Variants in BAZ2B observed in about 807,000 individuals in gnomAD.
BAZ2B encodes the protein bromodomain adjacent to zinc finger domain 2B, also known as bromodomain adjacent to zinc finger domain protein 2B.
BAZ2B carries 91 observed loss-of-function variants against 246.0 expected under a neutral mutation model. That is an observed-to-expected ratio of 0.37 (90% CI 0.31 to 0.44). The LOEUF is 0.44. BAZ2B is among the 20% of genes least tolerant of loss of function. The pLI is 1.00. For missense variants in BAZ2B, 2,332 were observed against 2,533.7 expected, an observed-to-expected ratio of 0.92 and a Z score of 1.71; for synonymous variants, 855 against 860.0, an observed-to-expected ratio of 0.99 and a Z score of 0.10.
chr2:159,602,196 T>C (rs1439199748), intron 1 of BAZ2B, among the ~76,000 whole-genome samples: 1 of 152,168 alleles, frequency 6.6e-6, no homozygotes, highest in African/African-American at 2.4e-5. Context: ...ACTGGTCTTC[T>C]ATACCCATAT....
intron 1 of BAZ2B, among the ~76,000 whole-genome samples, chr2:159,565,078 C>T (rs532814197): frequency 2.9e-4 from 44 of 152,196 alleles, no homozygotes; most frequent in African/African-American, 1.0e-3. Flanking sequence ...ACCATGTTGG[C>T]CAGGCTGGTC....
intron 1 of BAZ2B, among the ~76,000 whole-genome samples, chr2:159,556,816 T>C (rs1468328583): frequency 6.6e-6 from 1 of 152,180 alleles, no homozygotes; most frequent in Non-Finnish European, 1.5e-5. Flanking sequence ...AAATGTTTAG[T>C]ATCAAAAAGT....
intron 1 of BAZ2B, among the ~76,000 whole-genome samples, chr2:159,609,098 C>T (rs926717307): frequency 6.6e-6 from 1 of 152,178 alleles, no homozygotes; most frequent in Non-Finnish European, 1.5e-5. Context: ...ACATTTTCTC[C>T]TCCCACCCTT....
chr2:159,539,935 T>C (rs2086461040), intron 2 of BAZ2B, among the ~76,000 whole-genome samples: 1 of 152,188 alleles, frequency 6.6e-6, no homozygotes, highest in South Asian at 2.1e-4. Flanking sequence ...TGTTACCTCA[T>C]CAGGGAGACC....
chr2:159,401,969 T>C (rs577040598), intron 16 of BAZ2B, among the ~76,000 whole-genome samples: 1 of 152,334 alleles, frequency 6.6e-6, no homozygotes, highest in Admixed American at 6.5e-5. Flanking sequence ...CTATTGAAGC[T>C]ATACATTAAT....
intron 2 of BAZ2B, among the ~76,000 whole-genome samples, chr2:159,547,208 T>C (rs2087482778): frequency 6.6e-6 from 1 of 152,176 alleles, no homozygotes; most frequent in Admixed American, 6.5e-5. Context: ...GTTGTAAAGT[T>C]TACACATACT....
At chr2:159,502,504 C>T (rs2081952103) in intron 2 of BAZ2B, among the ~76,000 whole-genome samples, 1 of 151,468 alleles carries the variant, frequency 6.6e-6, no homozygotes, top group East Asian at 1.9e-4. Flanking sequence ...CATGGTGGCA[C>T]GTGCTTGTGG....
intron 36 of BAZ2B, 63 bp from the exon 37 acceptor site, chr2:159,320,481 A>G: frequency 7.3e-7 from 1 of 1,378,110 alleles, no homozygotes; most frequent in Non-Finnish European, 9.8e-7. Context: ...TAAACAAATG[A>G]AGAGTTAATA....
chr2:159,440,339 G>A (rs10200362), intron 6 of BAZ2B, among the ~76,000 whole-genome samples: 17,286 of 151,918 alleles, frequency 0.11, 1,110 homozygotes, highest in Middle Eastern at 0.19. Context: ...ATGACTACTC[G>A]GGATTGGGGA....
the BAZ2B span, among the ~76,000 whole-genome samples, chr2:159,626,658 AT>A: frequency 6.6e-6 from 1 of 152,228 alleles, no homozygotes; most frequent in East Asian, 1.9e-4. Flanking sequence ...TCTGGGACAC[AT>A]TTAAAGCAGT....
chr2:159,547,704 T>G (rs1421856814), intron 2 of BAZ2B, among the ~76,000 whole-genome samples: 2 of 152,168 alleles, frequency 1.3e-5, no homozygotes, highest in Non-Finnish European at 2.9e-5. Flanking sequence ...TAAGAAAACA[T>G]CAAACCACAG....
the BAZ2B span, among the ~76,000 whole-genome samples, chr2:159,649,731 T>C: frequency 1.3e-5 from 2 of 152,358 alleles, no homozygotes; most frequent in African/African-American, 4.8e-5. Context: ...TTCTTCAGTT[T>C]CTGGGTTTAA....
chr2:159,464,781 G>T (rs932558374), intron 3 of BAZ2B: 1 of 152,064 alleles, frequency 6.6e-6, no homozygotes, highest in Non-Finnish European at 1.5e-5. Context: ...AATAATTAGA[G>T]TTCATAGATT....
chr2:159,467,816 T>C (rs1170847268), intron 3 of BAZ2B, among the ~76,000 whole-genome samples: 3 of 152,132 alleles, frequency 2.0e-5, no homozygotes, highest in Non-Finnish European at 4.4e-5. Flanking sequence ...GAGAGTTTAG[T>C]CTGGACCAAT....
chr2:159,643,641 G>C, the BAZ2B span, among the ~76,000 whole-genome samples: 1 of 152,082 alleles, frequency 6.6e-6, no homozygotes, highest in East Asian at 1.9e-4. Flanking sequence ...TTGGGAGTCC[G>C]AGGTAGGTGA....
chr2:159,503,733 C>A (rs1352051829), intron 2 of BAZ2B, among the ~76,000 whole-genome samples: 3 of 152,092 alleles, frequency 2.0e-5, no homozygotes, highest in Non-Finnish European at 4.4e-5. Flanking sequence ...GTGCCTCCCA[C>A]CACGCCCGGC....
chr2:159,347,921 T>A (rs977719454), intron 30 of BAZ2B, among the ~76,000 whole-genome samples: 1 of 152,138 alleles, frequency 6.6e-6, no homozygotes, highest in African/African-American at 2.4e-5. Context: ...AAAATAGTAG[T>A]GCATTAAGAT....
intron 3 of BAZ2B, chr2:159,463,049 A>G: frequency 2.7e-6 from 2 of 727,648 alleles, no homozygotes; most frequent in Non-Finnish European, 5.1e-6. Flanking sequence ...TGATCTTCAC[A>G]TCCTTCCATC....
rs1301717505 is a variant in BAZ2B at position 159,499,781 on chromosome 2, A to G, written c.-2-21060T>C. Among the ~76,000 whole-genome samples the G allele has an allele frequency of 4.0e-5, 6 of 151,810 alleles. No homozygotes were observed. The South Asian group carries it at 1.0e-3, about 26-fold the overall frequency. On this transcript the variant is annotated intron_variant, in intron 2 of 36. Transcript: ENST00000392783. ...ATTTCTCTAATGATCAGTGATGTTG[A>G]GCTTTTTTTCATATGTTTGTTGGCC...
Sources: allele counts gnomAD v4.1 joint callset (sites outside exome capture counted in the v4.1 genomes callset), GRCh38; gene constraint gnomAD v4.1.1; transcripts MANE v1.5; gene names NCBI Gene and HGNC (gene_info 2026-07-23, HGNC 2026-07-21).